Variants in MAP2K3 observed in about 807,000 individuals in gnomAD.
The protein encoded by MAP2K3 is dual specificity mitogen-activated protein kinase kinase 3.
In MAP2K3, 30 loss-of-function variants were observed where a neutral mutation model predicts 46.4. The ratio of observed to expected loss-of-function variants is 0.65; its 90% CI spans 0.48 to 0.88. The LOEUF (loss-of-function observed/expected upper bound fraction) is 0.88. Ranked by LOEUF, MAP2K3 falls within the 40% of genes least tolerant of loss-of-function variation. MAP2K3 has a pLI of 0.00. For missense variants in MAP2K3, 380 were observed against 464.5 expected (o/e 0.82, Z 1.67); for synonymous variants, 189 against 176.3 (o/e 1.07, Z -0.57).
rs563624893 is a variant in MAP2K3, at chr17:21,304,133, G to A, written c.569-293G>A. 4.6e-5 allele frequency among the ~76,000 whole-genome samples: 7 copies of A among 152,426 alleles called. No individual in the cohort carries two copies. The East Asian group carries it at 7.7e-4, about 17-fold the overall frequency. ...TGTCTGGAGGGCGGATGCAGGCACG[G>A]TGCTCCCAGCAAAGCACCTGGAGTC... is the stretch of plus-strand genomic sequence containing the variant. On this transcript the variant is annotated intron_variant, in intron 7 of 11. Coordinates refer to ENST00000342679, the MANE Select transcript of MAP2K3 (RefSeq NM_145109.3).
intron 1 of MAP2K3, chr17:21,291,461 A>G (rs1434586998): frequency 6.6e-6 from 3 of 456,374 alleles, no homozygotes; most frequent in African/African-American, 2.0e-5. Context: ...GCCTGTCGAC[A>G]GTGCAGGTGG....
At chr17:21,287,172 G>A (rs1216279578) in intron 1 of MAP2K3, among the ~76,000 whole-genome samples, 4 of 152,210 alleles carry the variant, frequency 2.6e-5, no homozygotes, top group African/African-American at 9.6e-5. Context: ...CCCCACCCCT[G>A]GCCTTGCTCA....
chr17:21,313,584 G>T (rs760387127), intron 11 of MAP2K3, 47 bp downstream of exon 11: 3 of 1,426,974 alleles, frequency 2.1e-6, no homozygotes, highest in Non-Finnish European at 2.9e-6. Flanking sequence ...GGGCTGGCTG[G>T]GGCTGGGTGG....
At position 21,298,890 on chromosome 17, in the gene MAP2K3, C is replaced by T. The variant is rs149856915; in HGVS notation, c.129C>T (p.Asn43=). 183 of 1,613,630 alleles carry T rather than the reference C, an allele frequency of 1.1e-4. No homozygotes were observed. The highest frequency in any genetic ancestry group is 1.3e-4 in the Non-Finnish European group (159 of 1,179,436). The part of the protein sequence containing the change: ...PPAPNPTPPR[N]LDSRTFITIG... ...TCTTTCTCCACAGACCCCCCCGGAACCTGGACTCCCGGACCTTCATCACCA... is the reference window on the plus strand; with the variant it reads ...TCTTTCTCCACAGACCCCCCCGGAATCTGGACTCCCGGACCTTCATCACCA... The change falls in exon 3 of 12, where the codon AAC becomes AAT. Residue 43 remains asparagine, a synonymous_variant. Transcript: ENST00000342679.
At chr17:21,302,310 C>A (rs1433739510) in intron 6 of MAP2K3, 51 bp downstream of exon 6, 5 of 1,514,348 alleles carry the variant, frequency 3.3e-6, no homozygotes, top group Non-Finnish European at 3.7e-6. Context: ...TAGGCAGAGG[C>A]CCAGCCCTGC....
intron 1 of MAP2K3, among the ~76,000 whole-genome samples, chr17:21,290,715 C>T (rs745928942): frequency 9.8e-5 from 15 of 152,308 alleles, no homozygotes; most frequent in Admixed American, 2.0e-4. Context: ...TTTGGGAGGC[C>T]GAGACAGGAG....
intron 6 of MAP2K3, among the ~76,000 whole-genome samples, 196 bp from the exon 7 acceptor site, chr17:21,302,987 G>A (rs1175513190): frequency 1.3e-5 from 2 of 152,312 alleles, no homozygotes; most frequent in African/African-American, 4.8e-5. Context: ...GAGGCCGAGT[G>A]TGTCTGCACC....
chr17:21,290,431 C>T (rs1271805908), intron 1 of MAP2K3, among the ~76,000 whole-genome samples: 2 of 152,306 alleles, frequency 1.3e-5, no homozygotes, highest in East Asian at 1.9e-4. Context: ...GGGGCAGACC[C>T]CAGGGTGGCG....
intron 4 of MAP2K3, 30 bp from the exon 5 acceptor site, chr17:21,300,844 C>T (rs780785470): frequency 1.2e-6 from 2 of 1,613,708 alleles, no homozygotes; most frequent in African/African-American, 2.7e-5. Context: ...TCTGCCACGG[C>T]AACCTCTGAA....
chr17:21,314,258 C>T lies in MAP2K3; in HGVS notation c.*28C>T, dbSNP rs865865958. The T allele has an allele frequency of 1.9e-6, 3 of 1,584,822 alleles. No homozygotes were observed. The highest frequency in any genetic ancestry group is 1.7e-4 in the Middle Eastern group (1 of 5,874). On this transcript the variant is annotated 3_prime_UTR_variant, in exon 12 of 12. Transcript: ENST00000342679. Reference sequence around the variant, plus strand: ...GCTGGGCCTCGGACCCCACTCCGGCCCTCCAGAGCCCCACAGCCCCATCTG... The same window carrying T: ...GCTGGGCCTCGGACCCCACTCCGGCTCTCCAGAGCCCCACAGCCCCATCTG...
chr17:21,309,110 C>A (rs1381587647), intron 9 of MAP2K3, among the ~76,000 whole-genome samples: 1 of 152,310 alleles, frequency 6.6e-6, no homozygotes, highest in Non-Finnish European at 1.5e-5. Flanking sequence ...CAAACATGGG[C>A]CTCCTCTGCC....
At chr17:21,308,168 GA>G (rs1976991428) in intron 9 of MAP2K3, among the ~76,000 whole-genome samples, 1 of 97,488 alleles carries the variant, frequency 1.0e-5, no homozygotes, top group Non-Finnish European at 2.1e-5. Flanking sequence ...TTTTTTTTTT[GA>G]GGGAGTCTCA....
At chr17:21,292,311 A>G (rs1975985374) in intron 1 of MAP2K3, among the ~76,000 whole-genome samples, 1 of 152,304 alleles carries the variant, frequency 6.6e-6, no homozygotes, top group South Asian at 2.1e-4. Flanking sequence ...CAGGAATCTC[A>G]AAGGGACAAA....
intron 10 of MAP2K3, 64 bp downstream of exon 10, chr17:21,312,345 C>G: frequency 6.7e-7 from 1 of 1,483,702 alleles, no homozygotes; most frequent in Non-Finnish European, 8.9e-7. Flanking sequence ...CTGCACCTTC[C>G]TGGGCCCTGT....
At chr17:21,296,064 G>GTT (rs5819736) in intron 1 of MAP2K3, 412 of 1,264,026 alleles carry the variant, frequency 3.3e-4, no homozygotes, top group African/African-American at 3.0e-3. Context: ...ACTTAGGGCA[G>GTT]TTTTTTTTTT....
intron 4 of MAP2K3, 63 bp downstream of exon 4, chr17:21,300,721 G>T: frequency 1.3e-6 from 2 of 1,596,124 alleles, no homozygotes; most frequent in East Asian, 2.3e-5. Flanking sequence ...GCTCTGCCAT[G>T]GGGCCCTGCC....
At chr17:21,296,865 C>G (rs952926955) in intron 1 of MAP2K3, among the ~76,000 whole-genome samples, 1 of 152,312 alleles carries the variant, frequency 6.6e-6, no homozygotes, top group African/African-American at 2.4e-5. Flanking sequence ...ATGGGGTGAG[C>G]AGTTAGCAGG....
intron 1 of MAP2K3, among the ~76,000 whole-genome samples, chr17:21,296,751 G>T (rs1441143081): frequency 4.6e-5 from 7 of 152,306 alleles, no homozygotes; most frequent in Non-Finnish European, 1.0e-4. Context: ...GGCTGTGACA[G>T]ACTCGCAGTG....
chr17:21,308,032 T>A (rs1976984582), intron 9 of MAP2K3, among the ~76,000 whole-genome samples: 2 of 150,682 alleles, frequency 1.3e-5, no homozygotes, highest in Admixed American at 1.3e-4. Context: ...ATTTTTGTAT[T>A]TTTAAAAAAG....
Sources: gnomAD v4.1 joint callset for allele counts (sites outside exome capture counted in the v4.1 genomes callset) on GRCh38, gnomAD v4.1.1 for gene constraint, MANE v1.5 for transcripts, NCBI Gene and HGNC (gene_info 2026-07-23, HGNC 2026-07-21) for gene names.